Variants in CD302 observed in about 807,000 individuals in gnomAD.
CD302 encodes the protein CD302 antigen.
A neutral mutation model predicts 26.5 loss-of-function variants in CD302; 23 were observed. The ratio of observed to expected loss-of-function variants is 0.87; its 90% CI spans 0.62 to 1.23. CD302 has a LOEUF of 1.23. Among genes scored for constraint, CD302 ranks in the 50% most tolerant of loss-of-function variants. The pLI is 0.00. For synonymous variants in CD302, 90 were observed against 99.4 expected, an observed-to-expected ratio of 0.91 and a Z score of 0.56; for missense variants, 290 against 275.5, an observed-to-expected ratio of 1.05 and a Z score of -0.37.
At chr2:159,794,714 A>C (rs1194799454) in intron 1 of CD302, among the ~76,000 whole-genome samples, 1 of 149,898 alleles carries the variant, frequency 6.7e-6, no homozygotes, top group African/African-American at 2.4e-5. Flanking sequence ...ACGCCCGGCT[A>C]ATTTTTTGTA....
At position 159,769,199 on chromosome 2, in the gene CD302, G is replaced by A. The variant is rs1191070582; in HGVS notation, c.*2652C>T. 6.6e-6 allele frequency: 1 copy of A among 152,182 alleles called. No individual in the cohort carries two copies. The highest frequency in any genetic ancestry group is 2.4e-5 in the African/African-American group (1 of 41,442). The allele number at this position is 152,182 out of a possible 1,614,324, so 9.4% of individuals were successfully genotyped here. The stretch of plus-strand genomic sequence containing the variant: ...AATGTTATTCTGAATATCTGCCAAA[G>A]AATTATATTGTTATTACTAGCTAGA... On this transcript the variant is annotated 3_prime_UTR_variant, in exon 6 of 6. Transcript: ENST00000259053.
chr2:159,769,114 C>T lies in CD302; in HGVS notation c.*2737G>A, dbSNP rs1034894805. On this transcript the variant is annotated 3_prime_UTR_variant, in exon 6 of 6. Transcript: ENST00000259053. ...TTGGTTATCAGTTTTAAATTCTGAA[C>T]AAAAGAGACCATACACTGCTCACTA... The T allele has an allele frequency of 6.6e-6, 1 of 152,090 alleles. No homozygotes were observed. Among genetic ancestry groups the T allele is most frequent in the African/African-American group, 2.4e-5 (1 of 41,402 alleles). 9.4% of individuals were successfully genotyped at this position (152,090 alleles called of 1,614,324 possible).
chr2:159,780,848 C>A (rs1485345294), intron 3 of CD302, 34 bp downstream of exon 3: 2 of 1,590,998 alleles, frequency 1.3e-6, no homozygotes, highest in South Asian at 2.2e-5. Flanking sequence ...AAAAGAACAA[C>A]AAAGTCACGT....
chr2:159,796,299 G>C (rs1708953189), intron 1 of CD302, among the ~76,000 whole-genome samples: 1 of 152,144 alleles, frequency 6.6e-6, no homozygotes, highest in Admixed American at 6.5e-5. Context: ...AACACACTTA[G>C]TTTTTCAGCC....
intron 1 of CD302, among the ~76,000 whole-genome samples, chr2:159,793,314 T>C (rs1708857998): frequency 6.6e-6 from 1 of 152,164 alleles, no homozygotes; most frequent in Admixed American, 6.5e-5. Flanking sequence ...ATCCTCTGCC[T>C]AAAATTATCA....
intron 1 of CD302, among the ~76,000 whole-genome samples, chr2:159,786,574 T>C (rs1206591116): frequency 6.6e-6 from 1 of 152,168 alleles, no homozygotes; most frequent in Non-Finnish European, 1.5e-5. Context: ...CCTCTGGTGA[T>C]TGGGCCACCT....
rs952898718 is a variant in CD302, at chr2:159,770,814, C to T, written c.*1037G>A. On this transcript the variant is annotated 3_prime_UTR_variant, in exon 6 of 6. Coordinates refer to ENST00000259053, the MANE Select transcript of CD302 (RefSeq NM_014880.5). ...ACAAGCTGATTTTCACACAAGATTCCCTAACTATGCATTTCTTAGAACGTA... is the reference window on the plus strand; with the variant it reads ...ACAAGCTGATTTTCACACAAGATTCTCTAACTATGCATTTCTTAGAACGTA... The T allele has an allele frequency of 6.6e-6, 1 of 152,084 alleles. No individual in the cohort carries two copies. Among genetic ancestry groups the T allele is most frequent in the Non-Finnish European group, 1.5e-5 (1 of 67,986 alleles). 9.4% of individuals were successfully genotyped at this position (152,084 alleles called of 1,614,324 possible).
In CD302 at chr2:159,781,010, T is replaced by C. The variant is rs1417993526; in HGVS notation, c.179-12A>G. Reference sequence around the variant, plus strand: ...TATCATGTCCGCTCCTGAAATTATTTTAAAGAGAAAAAAAGTCAGCATATT... The same window carrying C: ...TATCATGTCCGCTCCTGAAATTATTCTAAAGAGAAAAAAAGTCAGCATATT... On this transcript the variant is annotated splice_polypyrimidine_tract_variant and intron_variant, in intron 2 of 5. Transcript: ENST00000259053. 1 of 1,591,506 alleles carries C rather than the reference T, an allele frequency of 6.3e-7. No homozygotes were observed. Among genetic ancestry groups the C allele is most frequent in the East Asian group, 2.2e-5 (1 of 44,688 alleles).
Position 159,780,875 on chromosome 2 carries a change from C to T in CD302, c.295+7G>A. On this transcript the variant is annotated splice_region_variant and intron_variant, in intron 3 of 5. Coordinates refer to ENST00000259053, the MANE Select transcript of CD302 (RefSeq NM_014880.5). ...AAGTCACGTCCCACGAGGTAAATAT[C>T]ACTTACCATCTGTGTCATAAAACAT... is the stretch of plus-strand genomic sequence containing the variant. 6.2e-7 allele frequency: 1 copy of T among 1,604,460 alleles called. No homozygotes were observed. Among genetic ancestry groups the T allele is most frequent in the Non-Finnish European group, 8.5e-7 (1 of 1,173,702 alleles).
chr2:159,774,671 A>G (rs1183781538), intron 5 of CD302, among the ~76,000 whole-genome samples: 1 of 152,166 alleles, frequency 6.6e-6, no homozygotes, highest in African/African-American at 2.4e-5. Context: ...ATCCTTGAAG[A>G]TTTAACTCCT....
intron 1 of CD302, among the ~76,000 whole-genome samples, chr2:159,783,982 A>G (rs747818720): frequency 6.6e-6 from 1 of 152,228 alleles, no homozygotes; most frequent in Non-Finnish European, 1.5e-5. Context: ...GTTCTTATGA[A>G]TGTTCTTAAT....
chr2:159,782,915 A>C (rs1423111802), intron 2 of CD302, among the ~76,000 whole-genome samples: 1 of 152,224 alleles, frequency 6.6e-6, no homozygotes, highest in East Asian at 1.9e-4. Flanking sequence ...AGAATAACTA[A>C]GTGATTAAGA....
At chr2:159,794,268 AC>A in intron 1 of CD302, among the ~76,000 whole-genome samples, 1 of 100,080 alleles carries the variant, frequency 1.0e-5, no homozygotes, top group Non-Finnish European at 2.0e-5. Flanking sequence ...CTGTCTCAAA[AC>A]AATAAAATAA....
At chr2:159,781,088 C>T (rs937002226) in intron 2 of CD302, 90 bp from the exon 3 acceptor site, 1 of 1,003,726 alleles carries the variant, frequency 1.0e-6, no homozygotes, top group Admixed American at 2.7e-5. Flanking sequence ...AGTTGCTTAA[C>T]TTTCTATATA....
chr2:159,787,557 CT>C (rs1279385588), intron 1 of CD302, among the ~76,000 whole-genome samples: 2 of 151,974 alleles, frequency 1.3e-5, no homozygotes, highest in Non-Finnish European at 2.9e-5. Context: ...TAAATCAGTA[CT>C]TTTACCACTT....
intron 2 of CD302, among the ~76,000 whole-genome samples, chr2:159,782,078 T>C (rs1243231998): frequency 1.3e-5 from 2 of 150,942 alleles, no homozygotes; most frequent in African/African-American, 4.9e-5. Flanking sequence ...ACCAGCCTGG[T>C]TAACGTGGTG....
At position 159,780,712 on chromosome 2, in the gene CD302, T is replaced by C. The variant is rs1708479808; in HGVS notation, c.295+170A>G. Among the ~76,000 whole-genome samples the C allele has an allele frequency of 2.0e-5, 3 of 152,182 alleles. No individual in the cohort carries two copies. In the South Asian group the frequency reaches 6.2e-4, roughly 31 times the overall value. On this transcript the variant is annotated intron_variant, in intron 3 of 5. Coordinates refer to ENST00000259053, the MANE Select transcript of CD302 (RefSeq NM_014880.5). ...CTGTGGCTTTCATCTGTGTAACTCATTGAGCTATGCAGATACAAGCTGTGG... is the reference window on the plus strand; with the variant it reads ...CTGTGGCTTTCATCTGTGTAACTCACTGAGCTATGCAGATACAAGCTGTGG...
At chr2:159,784,557 C>T (rs1324720395) in intron 1 of CD302, among the ~76,000 whole-genome samples, 2 of 151,578 alleles carry the variant, frequency 1.3e-5, no homozygotes, top group African/African-American at 2.4e-5. Flanking sequence ...GGTTTCGCCA[C>T]GTTGCCCAGG....
intron 2 of CD302, among the ~76,000 whole-genome samples, chr2:159,782,086 G>A (rs1708529798): frequency 6.6e-6 from 1 of 152,040 alleles, no homozygotes; most frequent in African/African-American, 2.4e-5. Flanking sequence ...GGTTAACGTG[G>A]TGAAACCTTG....
Sources: gnomAD v4.1 joint callset for allele counts (sites outside exome capture counted in the v4.1 genomes callset) on GRCh38, gnomAD v4.1.1 for gene constraint, MANE v1.5 for transcripts, NCBI Gene and HGNC (gene_info 2026-07-23, HGNC 2026-07-21) for gene names.